Variants in RPS6KB2 observed in about 807,000 individuals in gnomAD.
The protein encoded by RPS6KB2 is ribosomal protein S6 kinase B2.
Under a neutral mutation model 58.2 loss-of-function variants are expected in RPS6KB2, and 51 were observed. The ratio of observed to expected loss-of-function variants is 0.88; its 90% CI spans 0.70 to 1.11. The LOEUF (loss-of-function observed/expected upper bound fraction) is 1.11. RPS6KB2 is among the 50% of genes least tolerant of loss of function. The pLI is 0.00. For missense variants in RPS6KB2, 671 were observed against 655.8 expected (o/e 1.02, Z -0.25); for synonymous variants, 293 against 258.6 (o/e 1.13, Z -1.28).
chr11:67,431,328 C>G (rs752224910), intron 4 of RPS6KB2, 40 bp from the exon 5 acceptor site: 1 of 1,604,368 alleles, frequency 6.2e-7, no homozygotes, highest in South Asian at 1.1e-5. Flanking sequence ...CTGTGCCCAG[C>G]CTGGATGCCT....
Position 67,428,523 on chromosome 11 carries a change from G to A in RPS6KB2, c.-23G>A, listed in dbSNP as rs757345864. 43 of 1,594,144 alleles carry A rather than the reference G, an allele frequency of 2.7e-5. 1 individual carries two copies. The highest frequency in any genetic ancestry group is 1.7e-4 in the Middle Eastern group (1 of 5,964). ...AGTGCGCGGCCAGGTACGGGCCGAC[G>A]GGCCCGCGGGGCCGGCGCCGCCATG... On this transcript the variant is annotated 5_prime_UTR_variant, in exon 1 of 15. Coordinates refer to ENST00000312629, the MANE Select transcript of RPS6KB2 (RefSeq NM_003952.3).
At chr11:67,432,554 A>C in intron 5 of RPS6KB2, 46 bp from the exon 6 acceptor site, 2 of 1,607,528 alleles carry the variant, frequency 1.2e-6, no homozygotes, top group Non-Finnish European at 1.7e-6. Context: ...GAAAGCACAA[A>C]GGGGCTTGGA....
At chr11:67,428,661 C>T (rs1257642032) in intron 1 of RPS6KB2, 38 bp downstream of exon 1, 1 of 1,568,564 alleles carries the variant, frequency 6.4e-7, no homozygotes, top group Non-Finnish European at 8.7e-7. Context: ...ATCCTGGAGC[C>T]GATCCTGTCA....
Position 67,429,750 on chromosome 11 carries a change from G to A in RPS6KB2, c.309+155G>A, listed in dbSNP as rs1292135181. ...CTGTTGTGATGTGTATTGTCTTGCA[G>A]TAATTCTCAATGGGGGCAATTTTGA... On this transcript the variant is annotated intron_variant, in intron 4 of 14. Coordinates refer to ENST00000312629, the MANE Select transcript of RPS6KB2 (RefSeq NM_003952.3). 9 of 630,826 alleles carry A rather than the reference G, an allele frequency of 1.4e-5. No individual in the cohort carries two copies. The African/African-American group carries it at 1.5e-4, about 10-fold the overall frequency. 39.1% of individuals were successfully genotyped at this position (630,826 alleles called of 1,614,324 possible).
At chr11:67,431,562 A>G (rs1276722069) in intron 5 of RPS6KB2, 47 bp downstream of exon 5, 2 of 1,588,476 alleles carry the variant, frequency 1.3e-6, no homozygotes, top group Admixed American at 3.4e-5. Flanking sequence ...GCGGGGGGGC[A>G]GCGAGCCAGC....
At chr11:67,434,350 C>G in intron 12 of RPS6KB2, 27 bp from the exon 13 acceptor site, 1 of 1,610,538 alleles carries the variant, frequency 6.2e-7, no homozygotes, top group Non-Finnish European at 8.5e-7. Flanking sequence ...TGCCCTCTGA[C>G]CCCTCCCCAC....
At chr11:67,432,876 C>A in intron 7 of RPS6KB2, 39 bp downstream of exon 7, 1 of 1,609,134 alleles carries the variant, frequency 6.2e-7, no homozygotes, top group South Asian at 1.1e-5. Context: ...GCGGGGTCTG[C>A]AATCTGTGGG....
Position 67,429,188 on chromosome 11 carries a change from G to T in RPS6KB2, c.188G>T (p.Gly63Val). The stretch of plus-strand genomic sequence containing the variant: ...GTGAACGTTGGCCCAGAGCGCATCG[G>T]GCCCCACTGCTTTGAGCTGCTGCGT... The part of the protein sequence containing the change: ...TSVNVGPERI[G>V]PHCFELLRVL... The change falls in exon 3 of 15, where the codon GGG becomes GTG. Residue 63 changes from glycine (G) to valine (V), a missense_variant. By Grantham distance (109) the Gly-to-Val change is moderately radical (BLOSUM62 -3). Transcript: ENST00000312629. The T allele has an allele frequency of 6.2e-7, 1 of 1,613,812 alleles. No individual in the cohort carries two copies. Among genetic ancestry groups the T allele is most frequent in the Non-Finnish European group, 8.5e-7 (1 of 1,180,030 alleles).
At position 67,434,430 on chromosome 11, in the gene RPS6KB2, G is replaced by C; in HGVS notation, c.1101G>C (p.Pro367=). 6.2e-7 allele frequency: 1 copy of C among 1,613,080 alleles called. No individual in the cohort carries two copies. ...ATACCCGCTTCACACGGCAGACGCC[G>C]GTGGACAGTCCTGATGACACAGCCC... is the stretch of plus-strand genomic sequence containing the variant. ...QFDTRFTRQT[P]VDSPDDTALS... The change falls in exon 13 of 15, where the codon CCG becomes CCC. Residue 367 remains proline (P), a synonymous_variant. Coordinates refer to ENST00000312629, the MANE Select transcript of RPS6KB2 (RefSeq NM_003952.3).
Position 67,433,198 on chromosome 11 carries a change from C to A in RPS6KB2, c.780C>A (p.Tyr260Ter), listed in dbSNP as rs760027023. ...GGTGGAGCCTGGGGGCCCTGATGTA[C>A]GACATGCTCACTGGATCGGCAAGTC... is the stretch of plus-strand genomic sequence containing the variant. ...VDWWSLGALM[Y>*]DMLTGSPPFT... is the part of the protein sequence containing the mutation. The change falls in exon 9 of 15, where the codon TAC (tyrosine) becomes TAA (stop). Residue 260 changes from tyrosine to a stop codon, truncating the protein, a stop_gained. Transcript: ENST00000312629. LOFTEE classifies it high-confidence loss of function. 6.2e-7 allele frequency: 1 copy of A among 1,606,132 alleles called. No individual in the cohort carries two copies.
At position 67,434,436 on chromosome 11, in the gene RPS6KB2, C is replaced by T. The variant is rs750448639; in HGVS notation, c.1107C>T (p.Asp369=). ...DTRFTRQTPV[D]SPDDTALSES... is the part of the protein sequence containing the mutation. ...GCTTCACACGGCAGACGCCGGTGGA[C>T]AGTCCTGATGACACAGCCCTCAGCG... The change falls in exon 13 of 15, where the codon GAC becomes GAT. Residue 369 remains aspartate, a synonymous_variant. Coordinates refer to ENST00000312629, the MANE Select transcript of RPS6KB2 (RefSeq NM_003952.3). The T allele has an allele frequency of 6.2e-7, 1 of 1,613,064 alleles. No individual in the cohort carries two copies. Among genetic ancestry groups the T allele is most frequent in the Non-Finnish European group, 8.5e-7 (1 of 1,179,998 alleles).
At chr11:67,429,330 C>A in intron 3 of RPS6KB2, 90 bp downstream of exon 3, 1 of 1,546,176 alleles carries the variant, frequency 6.5e-7, no homozygotes, top group Non-Finnish European at 8.8e-7. Flanking sequence ...TGTGAATCAG[C>A]AGGGCCTCTA....
At chr11:67,434,520 C>A in intron 13 of RPS6KB2, 36 bp downstream of exon 13, 1 of 1,600,404 alleles carries the variant, frequency 6.2e-7, no homozygotes, top group South Asian at 1.1e-5. Context: ...GGGACCAGGG[C>A]ACGGATCGTG....
rs758670436 is a variant in RPS6KB2, at chr11:67,434,392, G to A, written c.1063G>A (p.Val355Met). The A allele has an allele frequency of 3.8e-5, 61 of 1,613,160 alleles. 1 individual carries two copies. The highest frequency in any genetic ancestry group is 9.3e-5 in the African/African-American group (7 of 74,924). ...CGGCCCACAGCAGTCAGAGGAGGAC[G>A]TGAGCCAGTTTGATACCCGCTTCAC... ...FRPCLQSEED[V>M]SQFDTRFTRQ... Residue 355 changes from valine to methionine, a missense_variant, in exon 13 of 15, where the codon GTG becomes ATG. Val to Met is a conservative substitution (Grantham distance 21). Coordinates refer to ENST00000312629, the MANE Select transcript of RPS6KB2 (RefSeq NM_003952.3).
chr11:67,432,626 CGA>C lies in RPS6KB2; in HGVS notation c.488_489del (p.Glu163GlyfsTer14). 1 of 1,614,172 alleles carries C rather than the reference CGA, an allele frequency of 6.2e-7. No individual in the cohort carries two copies. Among genetic ancestry groups the C allele is most frequent in the Non-Finnish European group, 8.5e-7 (1 of 1,180,032 alleles). On this transcript the variant is annotated frameshift_variant, in exon 6 of 15. Coordinates refer to ENST00000312629, the MANE Select transcript of RPS6KB2 (RefSeq NM_003952.3). LOFTEE classifies it high-confidence loss of function. Reference protein sequence around the residue: ...SGGELFTHLEREGIFLEDTAC... With the variant: ...SGGELFTHLEXEGIFLEDTAC... ...TGGCGAGCTCTTCACGCATCTGGAG[CGA>C]GAGGGCATCTTCCTGGAAGATACGG... is the stretch of plus-strand genomic sequence containing the variant.
chr11:67,435,175 C>T lies in RPS6KB2; in HGVS notation c.*6C>T, dbSNP rs763019662. 21 of 1,558,924 alleles carry T rather than the reference C, an allele frequency of 1.3e-5. No individual in the cohort carries two copies. The Admixed American group carries it at 2.0e-4, about 15-fold the overall frequency. Reference sequence around the variant, plus strand: ...GTGGGCGTCCAGGGCGCTAGGAAGCCGGGTGGGGGTGAGGGTAGCCCTTGA... The same window carrying T: ...GTGGGCGTCCAGGGCGCTAGGAAGCTGGGTGGGGGTGAGGGTAGCCCTTGA... On this transcript the variant is annotated 3_prime_UTR_variant, in exon 15 of 15. Coordinates refer to ENST00000312629, the MANE Select transcript of RPS6KB2 (RefSeq NM_003952.3).
Position 67,429,249 on chromosome 11 carries a change from G to C in RPS6KB2, c.240+9G>C. ...AGGGGGGCTATGGCAAGGTAGGGGC[G>C]GGCGCACCCTCCTCCTGGCCTCACA... On this transcript the variant is annotated intron_variant, in intron 3 of 14. Coordinates refer to ENST00000312629, the MANE Select transcript of RPS6KB2 (RefSeq NM_003952.3). 6.2e-7 allele frequency: 1 copy of C among 1,612,038 alleles called. No individual in the cohort carries two copies. The highest frequency in any genetic ancestry group is 8.5e-7 in the Non-Finnish European group (1 of 1,179,926).
At chr11:67,433,966 G>C (rs777768823) in intron 10 of RPS6KB2, 29 bp from the exon 11 acceptor site, 2 of 1,613,856 alleles carry the variant, frequency 1.2e-6, no homozygotes, top group East Asian at 4.5e-5. Flanking sequence ...TACTTGCCCA[G>C]GCCCTCACCC....
chr11:67,429,480 G>C (rs927806390), intron 3 of RPS6KB2, 47 bp from the exon 4 acceptor site: 2 of 1,569,786 alleles, frequency 1.3e-6, no homozygotes, highest in African/African-American at 1.3e-5. Flanking sequence ...GCTTCTTGAA[G>C]ATAGGATGTG....
Sources: gnomAD v4.1 joint callset for allele counts on GRCh38, gnomAD v4.1.1 for gene constraint, MANE v1.5 for transcripts, NCBI Gene and HGNC (gene_info 2026-07-23, HGNC 2026-07-21) for gene names.